NPAS3: variants seen among roughly 807,000 people sequenced by gnomAD.
NPAS3 encodes the protein neuronal PAS domain-containing protein 3.
NPAS3 carries 14 observed loss-of-function variants against 73.1 expected under a neutral mutation model. That is an observed-to-expected ratio of 0.19 (90% CI 0.13 to 0.30). The LOEUF is 0.30. NPAS3 is among the 10% of genes least tolerant of loss of function. NPAS3 has a pLI of 1.00. For synonymous variants in NPAS3, 620 were observed against 541.5 expected (o/e 1.14, Z -2.01); for missense variants, 1,096 against 1,250.0 (o/e 0.88, Z 1.86).
intron 2 of NPAS3, among the ~76,000 whole-genome samples, chr14:33,091,871 C>T (rs1035667815): frequency 6.6e-6 from 1 of 152,022 alleles, no homozygotes; most frequent in Admixed American, 6.6e-5. Flanking sequence ...TGACAAAAAC[C>T]ACATGATTAT....
chr14:33,640,595 T>A (rs1054495866), intron 5 of NPAS3, among the ~76,000 whole-genome samples: 2 of 152,224 alleles, frequency 1.3e-5, no homozygotes, highest in Non-Finnish European at 2.9e-5. Context: ...AAATTGATCA[T>A]GAAAATTTAA....
intron 1 of NPAS3, among the ~76,000 whole-genome samples, chr14:32,977,998 A>C (rs966506315): frequency 8.5e-5 from 13 of 152,226 alleles, no homozygotes; most frequent in Admixed American, 1.3e-4. Context: ...GATTGAGCCT[A>C]CATGTGCGTG....
intron 6 of NPAS3, among the ~76,000 whole-genome samples, chr14:33,725,312 A>G (rs917886779): frequency 6.6e-6 from 1 of 152,130 alleles, no homozygotes; most frequent in Non-Finnish European, 1.5e-5. Context: ...TTATTACCAC[A>G]TAGTAAGCTA....
At chr14:32,939,073 G>A (rs1351561739), upstream of NPAS3, among the ~76,000 whole-genome samples, 8 of 144,890 alleles carry the variant, frequency 5.5e-5, no homozygotes, top group African/African-American at 2.5e-5. Flanking sequence ...GCGAGGCTCC[G>A]GCCCCACTAC....
intron 9 of NPAS3, among the ~76,000 whole-genome samples, chr14:33,783,156 CACAA>C (rs1212143517): frequency 1.3e-5 from 2 of 152,200 alleles, no homozygotes; most frequent in African/African-American, 4.8e-5. Context: ...TCATCTGCCA[CACAA>C]ACAAAGGGGG....
chr14:32,938,000 G>A (rs79789939), upstream of NPAS3, among the ~76,000 whole-genome samples: 2,018 of 152,258 alleles, frequency 0.013, 49 homozygotes, highest in African/African-American at 0.043. Context: ...ACCGGGGTGC[G>A]GCTGGGCTAG....
At chr14:33,617,001 A>G (rs2057940040) in intron 5 of NPAS3, among the ~76,000 whole-genome samples, 1 of 152,202 alleles carries the variant, frequency 6.6e-6, no homozygotes, top group African/African-American at 2.4e-5. Context: ...CATTAATCAA[A>G]TATCTTGCCT....
At chr14:33,055,204 A>T (rs1017829719) in intron 1 of NPAS3, among the ~76,000 whole-genome samples, 1 of 152,222 alleles carries the variant, frequency 6.6e-6, no homozygotes, top group African/African-American at 2.4e-5. Flanking sequence ...TATATAATGC[A>T]AGGAGTCTCA....
rs796810579 is a variant in NPAS3, at chr14:33,380,428, C to T, written c.468+13160C>T. Among the ~76,000 whole-genome samples, 5 of 152,206 alleles carry T rather than the reference C, an allele frequency of 3.3e-5. No individual in the cohort carries two copies. In the East Asian group the frequency reaches 9.7e-4, roughly 30 times the overall value. Reference sequence around the variant, plus strand: ...CTGTAGCCATGCACCTGTGGGCAGACCCAGGAGCTGGGTCAGATGCCCTAG... The same window carrying T: ...CTGTAGCCATGCACCTGTGGGCAGATCCAGGAGCTGGGTCAGATGCCCTAG... On this transcript the variant is annotated intron_variant, in intron 4 of 11. Transcript: ENST00000356141.
intron 4 of NPAS3, among the ~76,000 whole-genome samples, chr14:33,519,279 A>G (rs2053452609): frequency 6.6e-6 from 1 of 152,074 alleles, no homozygotes; most frequent in Non-Finnish European, 1.5e-5. Flanking sequence ...CTGCCATCTC[A>G]GAACTCCCAA....
intron 4 of NPAS3, among the ~76,000 whole-genome samples, chr14:33,463,024 T>TTTATA (rs2050344607): frequency 6.6e-6 from 1 of 152,202 alleles, no homozygotes; most frequent in South Asian, 2.1e-4. Flanking sequence ...TCCTTATCTT[T>TTTATA]TTATATTTCT....
At chr14:33,308,527 T>TATATATATATATATATAC in intron 3 of NPAS3, among the ~76,000 whole-genome samples, 3 of 103,730 alleles carry the variant, frequency 2.9e-5, no homozygotes, top group African/African-American at 4.6e-5. Flanking sequence ...TATATATATA[T>TATATATATATATATATAC]ACATACACAC....
At chr14:32,947,256 T>C (rs1444712403) in intron 1 of NPAS3, among the ~76,000 whole-genome samples, 1 of 152,178 alleles carries the variant, frequency 6.6e-6, no homozygotes, top group Non-Finnish European at 1.5e-5. Flanking sequence ...ACAGTAACAC[T>C]GCGGAAAAGG....
chr14:33,177,464 T>G (rs939037241), intron 2 of NPAS3, among the ~76,000 whole-genome samples: 42 of 152,114 alleles, frequency 2.8e-4, no homozygotes, highest in Admixed American at 2.7e-3. Flanking sequence ...TTCTGTATGT[T>G]GTCCTTTCAT....
intron 9 of NPAS3, among the ~76,000 whole-genome samples, chr14:33,792,476 T>C (rs1185474445): frequency 6.6e-6 from 1 of 151,708 alleles, no homozygotes; most frequent in Non-Finnish European, 1.5e-5. Flanking sequence ...TGTGGCACTT[T>C]CAGAGCCAGG....
intron 2 of NPAS3, among the ~76,000 whole-genome samples, chr14:33,199,337 GACAC>G (rs2046520100): frequency 6.6e-6 from 1 of 152,208 alleles, no homozygotes; most frequent in Admixed American, 6.5e-5. Flanking sequence ...ATTACGCATA[GACAC>G]ACAGATCTGG....
chr14:33,515,692 A>G (rs991164521), intron 4 of NPAS3, among the ~76,000 whole-genome samples: 1 of 152,098 alleles, frequency 6.6e-6, no homozygotes, highest in African/African-American at 2.4e-5. Flanking sequence ...GAATACAGTC[A>G]TACTTTTTGC....
intron 4 of NPAS3, among the ~76,000 whole-genome samples, chr14:33,468,867 A>G (rs1180803918): frequency 6.6e-6 from 1 of 152,190 alleles, no homozygotes; most frequent in Non-Finnish European, 1.5e-5. Flanking sequence ...CTTGCCTTGT[A>G]TTGAATGCAT....
At chr14:33,723,714 C>A (rs2061180545) in intron 6 of NPAS3, among the ~76,000 whole-genome samples, 1 of 143,826 alleles carries the variant, frequency 7.0e-6, no homozygotes. Flanking sequence ...TACTTCCTCT[C>A]AAAAAAAAAA....
Sources: allele counts gnomAD v4.1 joint callset (sites outside exome capture counted in the v4.1 genomes callset), GRCh38; gene constraint gnomAD v4.1.1; transcripts MANE v1.5; gene names NCBI Gene and HGNC (gene_info 2026-07-23, HGNC 2026-07-21).